The following RGS14 variants were observed in gnomAD, a reference collection of about 807,000 sequenced individuals.
RGS14 encodes regulator of G protein signaling 14.
Under a neutral mutation model 63.8 loss-of-function variants are expected in RGS14, and 33 were observed. That is an observed-to-expected ratio of 0.52 (90% CI 0.39 to 0.69). RGS14 has a LOEUF of 0.69. RGS14 is among the 30% of genes least tolerant of loss of function. RGS14 has a pLI of 0.00. For missense variants in RGS14, 739 were observed against 742.9 expected (o/e 0.99, Z 0.06); for synonymous variants, 296 against 320.9 (o/e 0.92, Z 0.83).
At chr5:177,362,383 G>A (rs916966541) in intron 1 of RGS14, among the ~76,000 whole-genome samples, 1 of 152,100 alleles carries the variant, frequency 6.6e-6, no homozygotes, top group Non-Finnish European at 1.5e-5. Flanking sequence ...AGGCAAAGAC[G>A]GTGCTTCTTG....
chr5:177,366,724 A>T lies in RGS14; in HGVS notation c.263A>T (p.Glu88Val), dbSNP rs1762101888. ...CCCTCCCAGGAGTTCCTGAAGAAGG[A>T]GTTCAGCGCGGAAAACGTGACTTTC... ...LAYFTEFLKKEFSAENVTFWK... is the reference protein window; with the variant it reads ...LAYFTEFLKKVFSAENVTFWK... The change falls in exon 4 of 15, where the codon GAG (glutamate) becomes GTG (valine). Residue 88 changes from glutamate (E) to valine (V), a missense_variant. By Grantham distance (121) the Glu-to-Val change is moderately radical. Coordinates refer to ENST00000408923, the MANE Select transcript of RGS14 (RefSeq NM_006480.5). 1.9e-6 allele frequency: 3 copies of T among 1,614,060 alleles called. No homozygotes were observed. Among genetic ancestry groups the T allele is most frequent in the Non-Finnish European group, 2.5e-6 (3 of 1,179,980 alleles).
At chr5:177,367,919 G>A in intron 7 of RGS14, 94 bp downstream of exon 7, 1 of 1,445,140 alleles carries the variant, frequency 6.9e-7, no homozygotes, top group South Asian at 1.5e-5. Context: ...CCCACAGTCT[G>A]TAAGTCTGTG....
rs759198643 is a variant in RGS14, at chr5:177,370,598, T to C, written c.1061T>C (p.Val354Ala). 1 of 1,614,004 alleles carries C rather than the reference T, an allele frequency of 6.2e-7. No individual in the cohort carries two copies. The highest frequency in any genetic ancestry group is 8.5e-7 in the Non-Finnish European group (1 of 1,179,958). The part of the protein sequence containing the change: ...VYLVGNEQAL[V>A]LDQDCTVLAD... Reference sequence around the variant, plus strand: ...GCCTGGCATCCACAGAAGGCCCTGGTCCTGGATCAGGACTGCACCGTGCTG... The same window carrying C: ...GCCTGGCATCCACAGAAGGCCCTGGCCCTGGATCAGGACTGCACCGTGCTG... The change falls in exon 10 of 15, where the codon GTC becomes GCC. Residue 354 changes from valine to alanine, a missense_variant. By Grantham distance (64) the Val-to-Ala change is moderately conservative. Coordinates refer to ENST00000408923, the MANE Select transcript of RGS14 (RefSeq NM_006480.5).
Position 177,372,006 on chromosome 5 carries a change from A to G in RGS14, c.1632A>G (p.Pro544=). ...PAQGPSSEET[P]PQTKSAAQPI... is the part of the protein sequence containing the mutation. Reference sequence around the variant, plus strand: ...AAGGGCCCAGCTCCGAGGAGACCCCACCACAGACCAAATCAGCAGCCCAGC... The same window carrying G: ...AAGGGCCCAGCTCCGAGGAGACCCCGCCACAGACCAAATCAGCAGCCCAGC... Residue 544 remains proline (P), a synonymous_variant, in exon 15 of 15, where the codon CCA becomes CCG. Coordinates refer to ENST00000408923, the MANE Select transcript of RGS14 (RefSeq NM_006480.5). The G allele has an allele frequency of 1.2e-6, 2 of 1,614,128 alleles. No individual in the cohort carries two copies. The highest frequency in any genetic ancestry group is 1.7e-5 in the Admixed American group (1 of 60,022).
At chr5:177,365,523 C>G (rs189009771) in intron 1 of RGS14, among the ~76,000 whole-genome samples, 1 of 152,188 alleles carries the variant, frequency 6.6e-6, no homozygotes, top group Non-Finnish European at 1.5e-5. Context: ...ATATATTAAA[C>G]TGACTTGATC....
chr5:177,366,859 C>G, intron 4 of RGS14, 32 bp from the exon 5 acceptor site: 1 of 1,613,658 alleles, frequency 6.2e-7, no homozygotes, highest in South Asian at 1.1e-5. Flanking sequence ...GCCACGCTCC[C>G]TGACCAACTC....
rs934048446 is a variant in RGS14 at position 177,366,251 on chromosome 5, A to G, written c.142A>G (p.Ser48Gly). ...CTCTCTCAGCATCCACAGCCTCCCC[A>G]GTGGTCCCAGCAGCCCCTTCCCAAC... ...GSSLSIHSLP[S>G]GPSSPFPTEE... The change falls in exon 3 of 15, where the codon AGT becomes GGT. Residue 48 changes from serine (S) to glycine (G), a missense_variant. Physicochemically the swap from Ser to Gly is moderately conservative, Grantham distance 56. Coordinates refer to ENST00000408923, the MANE Select transcript of RGS14 (RefSeq NM_006480.5). The G allele has an allele frequency of 1.8e-5, 29 of 1,587,074 alleles. No individual in the cohort carries two copies. Among genetic ancestry groups the G allele is most frequent in the Non-Finnish European group, 2.5e-5 (29 of 1,167,866 alleles).
rs781098612 is a variant in RGS14 at position 177,368,237 on chromosome 5, T to G, written c.820T>G (p.Phe274Val). 2 of 1,613,556 alleles carry G rather than the reference T, an allele frequency of 1.2e-6. No individual in the cohort carries two copies. Among genetic ancestry groups the G allele is most frequent in the Admixed American group, 3.3e-5 (2 of 59,966 alleles). The part of the protein sequence containing the change: ...LNSSASLDLG[F>V]LAFVSSKSES... Reference sequence around the variant, plus strand: ...CTCCTCCGCCAGCCTGGACCTTGGCTTCCTAGCCTTCGTCAGCAGCAAATC... The same window carrying G: ...CTCCTCCGCCAGCCTGGACCTTGGCGTCCTAGCCTTCGTCAGCAGCAAATC... The change falls in exon 8 of 15, where the codon TTC becomes GTC. Residue 274 changes from phenylalanine to valine, a missense_variant. By Grantham distance (50) the Phe-to-Val change is conservative. Coordinates refer to ENST00000408923, the MANE Select transcript of RGS14 (RefSeq NM_006480.5).
intron 8 of RGS14, among the ~76,000 whole-genome samples, 186 bp from the exon 9 acceptor site, chr5:177,368,531 G>C (rs1443405935): frequency 6.6e-6 from 1 of 152,254 alleles, no homozygotes; most frequent in African/African-American, 2.4e-5. Flanking sequence ...TCAGCGGGTG[G>C]ACCCGTCTCT....
At position 177,358,186 on chromosome 5, in the gene RGS14, G is replaced by A. The variant is rs1053586670; in HGVS notation, c.45+117G>A. 13 of 857,824 alleles carry A rather than the reference G, an allele frequency of 1.5e-5. No individual in the cohort carries two copies. Among genetic ancestry groups the A allele is most frequent in the Non-Finnish European group, 1.9e-5 (12 of 633,024 alleles). 53.1% of individuals were successfully genotyped at this position (857,824 alleles called of 1,614,324 possible). On this transcript the variant is annotated intron_variant, in intron 1 of 14. Coordinates refer to ENST00000408923, the MANE Select transcript of RGS14 (RefSeq NM_006480.5). The surrounding 1 kb of genome is among the most constrained non-coding windows in gnomAD (Gnocchi z 4.8). ...GCCCACGGGCTGCCAGCAGGCGAGA[G>A]AAGTTGGGTACAGACAGCAGCAGGT...
At chr5:177,363,159 G>T (rs1762008355) in intron 1 of RGS14, among the ~76,000 whole-genome samples, 1 of 152,144 alleles carries the variant, frequency 6.6e-6, no homozygotes. Context: ...TTGCGGCCGC[G>T]CAGGGAAAGG....
At chr5:177,363,439 G>T (rs1374880502) in intron 1 of RGS14, among the ~76,000 whole-genome samples, 2 of 152,166 alleles carry the variant, frequency 1.3e-5, no homozygotes, top group Non-Finnish European at 2.9e-5. Context: ...GAAGCTCAGG[G>T]AGGAGCCCGA....
chr5:177,365,568 A>G (rs1160371842), intron 1 of RGS14, among the ~76,000 whole-genome samples: 1 of 152,234 alleles, frequency 6.6e-6, no homozygotes, highest in African/African-American at 2.4e-5. Flanking sequence ...GTTTGCCTCC[A>G]TTTGTAAATA....
chr5:177,364,137 T>C lies in RGS14; in HGVS notation c.46-1826T>C, dbSNP rs1255909175. On this transcript the variant is annotated intron_variant, in intron 1 of 14. Coordinates refer to ENST00000408923, the MANE Select transcript of RGS14 (RefSeq NM_006480.5). This position sits in a 1 kb window ranked among gnomAD's most constrained non-coding sequence, Gnocchi z 4.6. ...CCCTGTGACCTGAATACTCTCAGGG[T>C]GGGAGTAGGAAACAGAGAGGAAGGT... Among the ~76,000 whole-genome samples the C allele has an allele frequency of 1.4e-5, 2 of 147,408 alleles. No individual in the cohort carries two copies. Among genetic ancestry groups the C allele is most frequent in the African/African-American group, 2.5e-5 (1 of 39,310 alleles).
In RGS14 at chr5:177,358,296, G is replaced by A. The variant is rs747571507; in HGVS notation, c.45+227G>A. Reference sequence around the variant, plus strand: ...ACAACCCTGGCAGTGAGGCCAGAGCGGGCACAGGCTTCTGGTCCAGCCCCC... The same window carrying A: ...ACAACCCTGGCAGTGAGGCCAGAGCAGGCACAGGCTTCTGGTCCAGCCCCC... On this transcript the variant is annotated intron_variant, in intron 1 of 14. Transcript: ENST00000408923. The surrounding 1 kb of genome is among the most constrained non-coding windows in gnomAD (Gnocchi z 4.8). 1.3e-5 allele frequency among the ~76,000 whole-genome samples: 2 copies of A among 152,182 alleles called. No individual in the cohort carries two copies. Among genetic ancestry groups the A allele is most frequent in the African/African-American group, 2.4e-5 (1 of 41,442 alleles).
At position 177,368,739 on chromosome 5, in the gene RGS14, G is replaced by C; in HGVS notation, c.872G>C (p.Ser291Thr). The C allele has an allele frequency of 1.2e-6, 2 of 1,614,224 alleles. No homozygotes were observed. The highest frequency in any genetic ancestry group is 8.5e-7 in the Non-Finnish European group (1 of 1,180,046). Residue 291 changes from serine (S) to threonine (T), a missense_variant, in exon 9 of 15, where the codon AGC (serine) becomes ACC (threonine). Ser to Thr is a moderately conservative substitution (Grantham distance 58, BLOSUM62 1). Transcript: ENST00000408923. Reference sequence around the variant, plus strand: ...CAGAGCCACCGGAAGAGCCTTGGGAGCACGGAGGGTGAAAGTGAAAGCCGG... The same window carrying C: ...CAGAGCCACCGGAAGAGCCTTGGGACCACGGAGGGTGAAAGTGAAAGCCGG... The part of the protein sequence containing the change: ...KSESHRKSLG[S>T]TEGESESRPG...
intron 1 of RGS14, among the ~76,000 whole-genome samples, chr5:177,365,076 G>A (rs1449657734): frequency 3.9e-5 from 6 of 152,188 alleles, no homozygotes; most frequent in Non-Finnish European, 5.9e-5. Context: ...TAGGCAACAC[G>A]TGCGATAGTA....
At chr5:177,368,081 C>A in intron 7 of RGS14, 76 bp from the exon 8 acceptor site, 2 of 1,560,336 alleles carry the variant, frequency 1.3e-6, no homozygotes, top group Admixed American at 1.8e-5. Flanking sequence ...ACAAGGCCCA[C>A]CAGTGGGGAA....
In RGS14 at chr5:177,372,137, C is replaced by A; in HGVS notation, c.*62C>A. On this transcript the variant is annotated 3_prime_UTR_variant, in exon 15 of 15. Coordinates refer to ENST00000408923, the MANE Select transcript of RGS14 (RefSeq NM_006480.5). ...CGGCGGGCCGAGCATGCCATGGGTCCGCTCTGCATGCCCTGTCTGTGCCAT... is the reference window on the plus strand; with the variant it reads ...CGGCGGGCCGAGCATGCCATGGGTCAGCTCTGCATGCCCTGTCTGTGCCAT... The A allele has an allele frequency of 6.8e-7, 1 of 1,470,586 alleles. No individual in the cohort carries two copies. Among genetic ancestry groups the A allele is most frequent in the Non-Finnish European group, 9.4e-7 (1 of 1,063,920 alleles). 91.1% of individuals were successfully genotyped at this position (1,470,586 alleles called of 1,614,324 possible).
Sources: allele counts gnomAD v4.1 joint callset (sites outside exome capture counted in the v4.1 genomes callset), GRCh38; gene constraint gnomAD v4.1.1; non-coding constraint Gnocchi (gnomAD v3.1); transcripts MANE v1.5; gene names NCBI Gene and HGNC (gene_info 2026-07-23, HGNC 2026-07-21).